PLCE1: variants seen among roughly 807,000 people sequenced by gnomAD.
PLCE1 encodes the protein 1-phosphatidylinositol 4,5-bisphosphate phosphodiesterase epsilon-1.
PLCE1 carries 119 observed loss-of-function variants against 242.8 expected under a neutral mutation model. The ratio of observed to expected loss-of-function variants is 0.49; its 90% CI spans 0.42 to 0.57. The LOEUF (loss-of-function observed/expected upper bound fraction) is 0.57. Ranked by LOEUF, PLCE1 falls within the 20% of genes least tolerant of loss-of-function variation. The pLI is 0.00. For missense variants in PLCE1, 2,441 were observed against 2,788.8 expected, an observed-to-expected ratio of 0.88 and a Z score of 2.81; for synonymous variants, 945 against 1,017.4, an observed-to-expected ratio of 0.93 and a Z score of 1.35.
intron 18 of PLCE1, among the ~76,000 whole-genome samples, chr10:94,271,604 G>A (rs1368757748): frequency 1.3e-5 from 2 of 151,958 alleles, no homozygotes; most frequent in East Asian, 1.9e-4. Flanking sequence ...GTGAGGCACC[G>A]CACCCAGCCA....
chr10:94,322,101 A>G (rs113246322), intron 30 of PLCE1, 42 bp downstream of exon 30: 2 of 1,584,068 alleles, frequency 1.3e-6, no homozygotes, highest in African/African-American at 1.3e-5. Context: ...TTTCCTCAGC[A>G]TAAATTATTG....
intron 32 of PLCE1, among the ~76,000 whole-genome samples, chr10:94,326,759 GTAGA>G (rs2054030660): frequency 6.6e-6 from 1 of 152,232 alleles, no homozygotes; most frequent in Non-Finnish European, 1.5e-5. Flanking sequence ...CCTGTAGCAA[GTAGA>G]TATTTATTTT....
chr10:94,064,416 A>T (rs1425147190), intron 2 of PLCE1, among the ~76,000 whole-genome samples: 1 of 152,098 alleles, frequency 6.6e-6, no homozygotes, highest in Non-Finnish European at 1.5e-5. Flanking sequence ...AGTGGTGCAC[A>T]CTGTAGTCCC....
chr10:94,228,526 C>T (rs771483431), intron 5 of PLCE1, among the ~76,000 whole-genome samples: 4 of 152,114 alleles, frequency 2.6e-5, no homozygotes, highest in Non-Finnish European at 5.9e-5. Context: ...TAAAGAGAAG[C>T]TATTGATATT....
chr10:94,284,831 C>A lies in PLCE1; in HGVS notation c.4918-17C>A. On this transcript the variant is annotated splice_polypyrimidine_tract_variant and intron_variant, in intron 21 of 32. Transcript: ENST00000371380. ...ATATACCTTCCATGTAAAATGGTAT[C>A]ATTTTTCCCTTACCAGGTTTATGAT... 7.4e-7 allele frequency: 1 copy of A among 1,351,662 alleles called. No individual in the cohort carries two copies. The highest frequency in any genetic ancestry group is 1.1e-6 in the Non-Finnish European group (1 of 940,462). The allele number at this position is 1,351,662 out of a possible 1,614,324, so 83.7% of individuals were successfully genotyped here.
chr10:94,078,241 G>T (rs547372016), intron 2 of PLCE1, among the ~76,000 whole-genome samples: 1 of 152,260 alleles, frequency 6.6e-6, no homozygotes, highest in East Asian at 1.9e-4. Context: ...CATTAGAATG[G>T]CAGCCTCGGG....
intron 2 of PLCE1, among the ~76,000 whole-genome samples, chr10:94,082,967 A>G (rs1191861833): frequency 1.3e-5 from 2 of 152,240 alleles, no homozygotes; most frequent in African/African-American, 2.4e-5. Flanking sequence ...TGGCTTTCTG[A>G]TGATCTGACT....
chr10:94,031,809 C>T lies in PLCE1; in HGVS notation c.763C>T (p.His255Tyr), dbSNP rs61749240. Residue 255 changes from histidine to tyrosine, a missense_variant, in exon 2 of 33, where the codon CAT (histidine) becomes TAT (tyrosine). Coordinates refer to ENST00000371380, the MANE Select transcript of PLCE1 (RefSeq NM_016341.4). The stretch of plus-strand genomic sequence containing the variant: ...TAAGAATGAGCAGCTGCAGTGTGAT[C>T]ATTGTGACACCTTGAATGATAAATA... Reference protein sequence around the residue: ...DNKNEQLQCDHCDTLNDKYFC... With the variant: ...DNKNEQLQCDYCDTLNDKYFC... The T allele has an allele frequency of 1.6e-5, 26 of 1,613,672 alleles. No individual in the cohort carries two copies. Among genetic ancestry groups the T allele is most frequent in the Middle Eastern group, 3.3e-4 (2 of 6,082 alleles).
In PLCE1 at chr10:94,252,517, A is replaced by G. The variant is rs747130717; in HGVS notation, c.3279+19A>G. On this transcript the variant is annotated intron_variant, in intron 9 of 32. Transcript: ENST00000371380. Reference sequence around the variant, plus strand: ...CATGAGGGTAGAGTGTTATTTGTTTATTAAGCATTAAACCCATCTTCCAGG... The same window carrying G: ...CATGAGGGTAGAGTGTTATTTGTTTGTTAAGCATTAAACCCATCTTCCAGG... The G allele has an allele frequency of 6.3e-7, 1 of 1,597,898 alleles. No homozygotes were observed. The highest frequency in any genetic ancestry group is 2.3e-5 in the East Asian group (1 of 44,236).
At chr10:94,282,209 A>G (rs1451938229) in intron 20 of PLCE1, among the ~76,000 whole-genome samples, 2 of 150,832 alleles carry the variant, frequency 1.3e-5, no homozygotes, top group Non-Finnish European at 2.9e-5. Context: ...TGCCCATTAA[A>G]TAAAGGAATT....
intron 7 of PLCE1, among the ~76,000 whole-genome samples, chr10:94,237,232 A>T (rs980055630): frequency 4.6e-5 from 7 of 152,194 alleles, no homozygotes; most frequent in Non-Finnish European, 1.0e-4. Flanking sequence ...AATGAATTTC[A>T]TATGGCTCTT....
At chr10:94,095,957 T>G (rs1391486302) in intron 2 of PLCE1, among the ~76,000 whole-genome samples, 2 of 152,194 alleles carry the variant, frequency 1.3e-5, no homozygotes, top group Non-Finnish European at 2.9e-5. Context: ...GTCTTCAGGC[T>G]ACAAGGCAGA....
intron 2 of PLCE1, among the ~76,000 whole-genome samples, chr10:94,086,026 A>C (rs2044811416): frequency 6.6e-6 from 1 of 152,208 alleles, no homozygotes; most frequent in African/African-American, 2.4e-5. Flanking sequence ...GTACAATGCC[A>C]GATCCTGGGG....
chr10:94,329,794 A>AAAC lies in PLCE1; in HGVS notation c.*1853_*1854insCAA, dbSNP rs1564905158. On this transcript the variant is annotated 3_prime_UTR_variant, in exon 33 of 33. Coordinates refer to ENST00000371380, the MANE Select transcript of PLCE1 (RefSeq NM_016341.4). ...TCCGTCTCAAAAAAAAAAAAAAAAA[A>AAAC]AAAAAAAAAAAAAAAAACACCATAC... The AAAC allele has an allele frequency of 6.7e-6, 1 of 150,008 alleles. No homozygotes were observed. Among genetic ancestry groups the AAAC allele is most frequent in the Non-Finnish European group, 1.5e-5 (1 of 67,720 alleles). The allele number at this position is 150,008 out of a possible 1,614,324, so 9.3% of individuals were successfully genotyped here. A position where few individuals can be genotyped will look rare whatever the true frequency, so the allele number is the denominator to read the frequency against.
chr10:94,324,467 C>G lies in PLCE1; in HGVS notation c.6620C>G (p.Ser2207Cys), dbSNP rs778463347. 1.2e-6 allele frequency: 2 copies of G among 1,614,150 alleles called. No homozygotes were observed. Among genetic ancestry groups the G allele is most frequent in the Non-Finnish European group, 8.5e-7 (1 of 1,179,982 alleles). ...AACAAGAAGACTACCACACCAAAGT[C>G]CTCTCAGCGGGTCCTTCTGGATCAG... ...TTNKKTTTPK[S>C]SQRVLLDQEC... The change falls in exon 31 of 33, where the codon TCC becomes TGC. Residue 2207 changes from serine to cysteine, a missense_variant. Ser to Cys is a moderately radical substitution (Grantham distance 112). Transcript: ENST00000371380.
intron 4 of PLCE1, among the ~76,000 whole-genome samples, chr10:94,175,227 A>C (rs897222110): frequency 1.3e-5 from 2 of 152,094 alleles, no homozygotes; most frequent in Non-Finnish European, 2.9e-5. Flanking sequence ...GCTAATTGAG[A>C]ATTTCATTAG....
At chr10:94,108,125 G>A (rs1408043283) in intron 2 of PLCE1, among the ~76,000 whole-genome samples, 1 of 152,170 alleles carries the variant, frequency 6.6e-6, no homozygotes, top group Non-Finnish European at 1.5e-5. Flanking sequence ...GGTGAGGTGA[G>A]AGAAGGCAAG....
intron 1 of PLCE1, among the ~76,000 whole-genome samples, chr10:93,996,890 C>T (rs1319784934): frequency 1.3e-5 from 2 of 152,190 alleles, no homozygotes; most frequent in African/African-American, 2.4e-5. Flanking sequence ...AGATATAGAA[C>T]ATTTTCATCA....
chr10:93,995,398 C>T (rs2060801260), intron 1 of PLCE1, among the ~76,000 whole-genome samples: 2 of 152,282 alleles, frequency 1.3e-5, no homozygotes, highest in African/African-American at 2.4e-5. Flanking sequence ...CCTGAAACAG[C>T]CAACCTCCCC....
Sources: gnomAD v4.1 joint callset for allele counts (sites outside exome capture counted in the v4.1 genomes callset) on GRCh38, gnomAD v4.1.1 for gene constraint, MANE v1.5 for transcripts, NCBI Gene and HGNC (gene_info 2026-07-23, HGNC 2026-07-21) for gene names.